GPBP1: variants seen among roughly 807,000 people sequenced by gnomAD.
GPBP1 encodes the protein vasculin.
A neutral mutation model predicts 56.5 loss-of-function variants in GPBP1; 13 were observed. The observed-to-expected ratio is 0.23, with a 90% CI of 0.15 to 0.37. The LOEUF is 0.37. Ranked by LOEUF, GPBP1 falls within the 10% of genes least tolerant of loss-of-function variation. GPBP1 has a pLI of 1.00. For missense variants in GPBP1, 477 were observed against 572.3 expected, an observed-to-expected ratio of 0.83 and a Z score of 1.70; for synonymous variants, 204 against 188.9, an observed-to-expected ratio of 1.08 and a Z score of -0.66.
chr5:57,189,937 T>G (rs1277092799), intron 2 of GPBP1, among the ~76,000 whole-genome samples: 1 of 152,182 alleles, frequency 6.6e-6, no homozygotes, highest in African/African-American at 2.4e-5. Flanking sequence ...CTCTAACCAT[T>G]TTGTGTAAAG....
chr5:57,209,926 G>A (rs970036597), intron 2 of GPBP1, among the ~76,000 whole-genome samples: 1 of 152,140 alleles, frequency 6.6e-6, no homozygotes, highest in Non-Finnish European at 1.5e-5. Flanking sequence ...TACTTTGGTT[G>A]TAGTTAGAAT....
At chr5:57,177,649 T>C (rs558620762) in intron 2 of GPBP1, among the ~76,000 whole-genome samples, 1 of 16,730 alleles carries the variant, frequency 6.0e-5, no homozygotes, top group Non-Finnish European at 1.6e-4. Context: ...AATTTTTGCC[T>C]TTTTTTTTTT....
chr5:57,244,859 GA>G (rs1741014801), intron 6 of GPBP1, among the ~76,000 whole-genome samples: 1 of 148,350 alleles, frequency 6.7e-6, no homozygotes. Context: ...TCAGCCTCCC[GA>G]GTAGCTGGGA....
intron 2 of GPBP1, among the ~76,000 whole-genome samples, chr5:57,196,960 T>C (rs1754791786): frequency 6.6e-6 from 1 of 151,982 alleles, no homozygotes; most frequent in African/African-American, 2.4e-5. Context: ...TTTTTTATTT[T>C]TAGTAGAGAT....
intron 2 of GPBP1, among the ~76,000 whole-genome samples, chr5:57,185,774 C>T (rs112797673): frequency 0.018 from 2,723 of 151,910 alleles, 78 homozygotes; most frequent in African/African-American, 0.063. Flanking sequence ...CCGAGGTGGG[C>T]AGATCGCTTG....
intron 2 of GPBP1, among the ~76,000 whole-genome samples, chr5:57,212,301 C>T (rs905929491): frequency 6.6e-6 from 1 of 152,108 alleles, no homozygotes; most frequent in Non-Finnish European, 1.5e-5. Context: ...TACTAAAATA[C>T]TAAAGCACCG....
At chr5:57,188,951 C>G (rs776881430) in intron 2 of GPBP1, among the ~76,000 whole-genome samples, 1 of 152,020 alleles carries the variant, frequency 6.6e-6, no homozygotes, top group Non-Finnish European at 1.5e-5. Flanking sequence ...CATTAATATC[C>G]CACTGCTACT....
rs186298903 is a variant in GPBP1 at position 57,198,718 on chromosome 5, G to A, written c.-57-15356G>A. Among the ~76,000 whole-genome samples, 5 of 152,156 alleles carry A rather than the reference G, an allele frequency of 3.3e-5. No homozygotes were observed. In the South Asian group the frequency reaches 8.3e-4, roughly 25 times the overall value. ...ACAAACATTAGCCGAGCATGGTGGC[G>A]CGTGCCTGTAATCCAGCTACTCGGG... On this transcript the variant is annotated intron_variant, in intron 2 of 11. Coordinates refer to ENST00000506184, the MANE Select transcript of GPBP1 (RefSeq NM_022913.4).
chr5:57,219,706 ACTT>A (rs1755869334), intron 3 of GPBP1, among the ~76,000 whole-genome samples: 1 of 152,002 alleles, frequency 6.6e-6, no homozygotes, highest in Non-Finnish European at 1.5e-5. Context: ...TAAATGTAAG[ACTT>A]CTTGTAATTT....
chr5:57,226,740 T>C (rs1262087089), intron 3 of GPBP1, among the ~76,000 whole-genome samples: 2 of 70,742 alleles, frequency 2.8e-5, no homozygotes, highest in African/African-American at 5.0e-5. Flanking sequence ...TTTTTTTTTT[T>C]TTTTTTTTTT....
intron 3 of GPBP1, among the ~76,000 whole-genome samples, chr5:57,215,636 C>G (rs1755670499): frequency 6.6e-6 from 1 of 152,214 alleles, no homozygotes; most frequent in Non-Finnish European, 1.5e-5. Context: ...GCCTGTGATT[C>G]AGCTTATTGC....
intron 2 of GPBP1, among the ~76,000 whole-genome samples, chr5:57,207,122 G>A (rs1479680234): frequency 6.6e-6 from 1 of 151,794 alleles, no homozygotes; most frequent in African/African-American, 2.4e-5. Flanking sequence ...ATCAAAATGG[G>A]CAAAGGACTT....
intron 6 of GPBP1, 34 bp from the exon 7 acceptor site, chr5:57,246,266 G>T (rs1362912812): frequency 1.0e-5 from 16 of 1,531,782 alleles, no homozygotes; most frequent in Non-Finnish European, 1.4e-5. Flanking sequence ...ACTTGAAATT[G>T]TGAGTGACTC....
intron 3 of GPBP1, among the ~76,000 whole-genome samples, chr5:57,225,352 G>C (rs566436593): frequency 2.6e-5 from 4 of 151,934 alleles, no homozygotes; most frequent in Admixed American, 6.6e-5. Context: ...ATATTAGCCA[G>C]GCGTGGTGGC....
intron 3 of GPBP1, among the ~76,000 whole-genome samples, chr5:57,224,207 C>T (rs1387612300): frequency 4.6e-5 from 7 of 150,910 alleles, no homozygotes; most frequent in Admixed American, 2.6e-4. Context: ...AGTACAGTGG[C>T]GTGATCATAG....
chr5:57,244,548 C>T (rs1184641576), intron 6 of GPBP1, among the ~76,000 whole-genome samples: 1 of 152,134 alleles, frequency 6.6e-6, no homozygotes, highest in African/African-American at 2.4e-5. Context: ...TCCTCAGATT[C>T]CTGGGCTTTA....
At chr5:57,225,171 T>G (rs1159310680) in intron 3 of GPBP1, among the ~76,000 whole-genome samples, 2 of 152,004 alleles carry the variant, frequency 1.3e-5, no homozygotes, top group Non-Finnish European at 2.9e-5. Context: ...AAAACTGGTA[T>G]TATTTCGCCG....
intron 2 of GPBP1, among the ~76,000 whole-genome samples, chr5:57,211,927 A>G (rs1322430548): frequency 1.3e-5 from 2 of 149,884 alleles, no homozygotes; most frequent in African/African-American, 4.9e-5. Context: ...TTTGTTACCA[A>G]TTTTAATTAA....
intron 2 of GPBP1, among the ~76,000 whole-genome samples, chr5:57,190,179 G>T (rs983763507): frequency 6.8e-6 from 1 of 147,448 alleles, no homozygotes; most frequent in African/African-American, 2.4e-5. Flanking sequence ...TTAGGGGGGG[G>T]ATTGGGTGTA....
Sources: gnomAD v4.1 joint callset for allele counts (sites outside exome capture counted in the v4.1 genomes callset) on GRCh38, gnomAD v4.1.1 for gene constraint, MANE v1.5 for transcripts, NCBI Gene and HGNC (gene_info 2026-07-23, HGNC 2026-07-21) for gene names.